AP3M1: variants seen among roughly 807,000 people sequenced by gnomAD.
AP3M1 encodes AP-3 complex subunit mu-1.
In AP3M1, 29 loss-of-function variants were observed where a neutral mutation model predicts 42.6. The observed-to-expected ratio is 0.68, with a 90% CI of 0.51 to 0.93. The LOEUF is 0.93. Ranked by LOEUF, AP3M1 falls within the 40% of genes least tolerant of loss-of-function variation. The pLI, the probability that AP3M1 is intolerant of heterozygous loss-of-function variation, is 0.00. For missense variants in AP3M1, 416 were observed against 510.2 expected (o/e 0.82, Z 1.78); for synonymous variants, 178 against 175.3 (o/e 1.02, Z -0.12).
At chr10:74,145,053 TA>T (rs1841288601) in intron 1 of AP3M1, among the ~76,000 whole-genome samples, 1 of 152,234 alleles carries the variant, frequency 6.6e-6, no homozygotes, top group Admixed American at 6.5e-5. Context: ...GGAAGTTTAA[TA>T]AATTATTTAG....
chr10:74,129,346 A>G lies in AP3M1; in HGVS notation c.670-105T>C, dbSNP rs1157912109. The G allele has an allele frequency of 2.6e-6, 3 of 1,170,454 alleles. No homozygotes were observed. In the East Asian group the frequency reaches 7.4e-5, roughly 29 times the overall value. 72.5% of individuals were successfully genotyped at this position (1,170,454 alleles called of 1,614,324 possible). A position where few individuals can be genotyped will look rare whatever the true frequency, so the allele number is the denominator to read the frequency against. The stretch of plus-strand genomic sequence containing the variant: ...TCCCTGAAGATAAAGCAGTCATGGA[A>G]GAGTTTATGACCACATCTACACAAC... On this transcript the variant is annotated intron_variant, in intron 5 of 8. Transcript: ENST00000355264.
At chr10:74,130,873 G>T (rs1292184920) in intron 4 of AP3M1, among the ~76,000 whole-genome samples, 1 of 152,172 alleles carries the variant, frequency 6.6e-6, no homozygotes, top group Non-Finnish European at 1.5e-5. Context: ...CACTTAGGGA[G>T]GCTGACGTGG....
At chr10:74,128,627 G>A (rs1840688083) in intron 6 of AP3M1, among the ~76,000 whole-genome samples, 1 of 152,092 alleles carries the variant, frequency 6.6e-6, no homozygotes, top group South Asian at 2.1e-4. Context: ...CGAACTACAG[G>A]TAGGTCTGTC....
chr10:74,145,749 C>A (rs1299082315), intron 1 of AP3M1, among the ~76,000 whole-genome samples: 1 of 152,206 alleles, frequency 6.6e-6, no homozygotes, highest in Non-Finnish European at 1.5e-5. Context: ...GCTTTGACTG[C>A]AGCTTAAATA....
chr10:74,142,763 T>C (rs1186964507), intron 1 of AP3M1, among the ~76,000 whole-genome samples: 1 of 152,234 alleles, frequency 6.6e-6, no homozygotes, highest in African/African-American at 2.4e-5. Context: ...TAAGTGCCAT[T>C]AGAATACTTA....
At chr10:74,125,170 G>C (rs548849448) in intron 7 of AP3M1, among the ~76,000 whole-genome samples, 1 of 152,228 alleles carries the variant, frequency 6.6e-6, no homozygotes, top group Non-Finnish European at 1.5e-5. Context: ...GTAGAGATGG[G>C]GTTTCTCCAT....
In AP3M1 at chr10:74,129,221, A is replaced by G. The variant is rs73282407; in HGVS notation, c.690T>C (p.Asp230=). Residue 230 remains aspartate (D), a synonymous_variant, in exon 6 of 9, where the codon GAT becomes GAC. Transcript: ENST00000355264. ...ACCGGATGCAGGGGTGAAAGCTGAC[A>G]TCATCCAGAAGCCTAGGGTTCTGCC... The part of the protein sequence containing the change: ...LSFMNPRLLD[D]VSFHPCIRFK... 11,948 of 1,614,068 alleles carry G rather than the reference A, an allele frequency of 7.4e-3. 767 individuals carry two copies. In the African/African-American group the frequency reaches 0.13, roughly 18 times the overall value.
chr10:74,130,250 TAGAA>T (rs1840743225), intron 4 of AP3M1, among the ~76,000 whole-genome samples: 1 of 151,878 alleles, frequency 6.6e-6, no homozygotes, highest in Non-Finnish European at 1.5e-5. Flanking sequence ...TCACTACATC[TAGAA>T]CAATAGAGAT....
Position 74,122,906 on chromosome 10 carries a change from T to C in AP3M1, c.*904A>G, listed in dbSNP as rs1317369810. The C allele has an allele frequency of 6.6e-6, 1 of 152,328 alleles. No homozygotes were observed. Among genetic ancestry groups the C allele is most frequent in the African/African-American group, 2.4e-5 (1 of 41,464 alleles). The allele number at this position is 152,328 out of a possible 1,614,324, so 9.4% of individuals were successfully genotyped here. A position where few individuals can be genotyped will look rare whatever the true frequency, so the allele number is the denominator to read the frequency against. On this transcript the variant is annotated 3_prime_UTR_variant, in exon 9 of 9. Transcript: ENST00000355264. ...TAGGTTAACCATGGCTTAACTGGTG[T>C]TGGGTAAGCTTTATATTATAAAACA...
intron 4 of AP3M1, among the ~76,000 whole-genome samples, chr10:74,132,022 GA>G (rs748878516): frequency 6.6e-6 from 1 of 152,144 alleles, no homozygotes; most frequent in Non-Finnish European, 1.5e-5. Flanking sequence ...GGAAGGACTA[GA>G]TTTTTTTTCT....
At position 74,123,688 on chromosome 10, in the gene AP3M1, G is replaced by T; in HGVS notation, c.*122C>A. The T allele has an allele frequency of 1.3e-6, 1 of 761,498 alleles. No individual in the cohort carries two copies. Among genetic ancestry groups the T allele is most frequent in the Non-Finnish European group, 2.3e-6 (1 of 438,050 alleles). The allele number at this position is 761,498 out of a possible 1,614,324, so 47.2% of individuals were successfully genotyped here. A position where few individuals can be genotyped will look rare whatever the true frequency, so the allele number is the denominator to read the frequency against. On this transcript the variant is annotated 3_prime_UTR_variant, in exon 9 of 9. Coordinates refer to ENST00000355264, the MANE Select transcript of AP3M1 (RefSeq NM_012095.6). The stretch of plus-strand genomic sequence containing the variant: ...TGATAACTAAGTAACTTTGTTAGCG[G>T]TGTGTAGCTAGACACAAATGCTTTA...
intron 1 of AP3M1, among the ~76,000 whole-genome samples, chr10:74,140,431 C>T (rs974824901): frequency 6.6e-6 from 1 of 152,202 alleles, no homozygotes; most frequent in African/African-American, 2.4e-5. Context: ...TTTGGAAAAG[C>T]TTTTCATTTT....
chr10:74,126,429 CT>C, intron 6 of AP3M1, 74 bp from the exon 7 acceptor site: 1 of 1,188,358 alleles, frequency 8.4e-7, no homozygotes, highest in Non-Finnish European at 1.2e-6. Flanking sequence ...CAGAGGTATC[CT>C]GAAAACCTCT....
chr10:74,128,928 T>G, intron 6 of AP3M1, 180 bp downstream of exon 6: 2 of 637,500 alleles, frequency 3.1e-6, no homozygotes, highest in Non-Finnish European at 5.3e-6. Flanking sequence ...CACTCATACA[T>G]TCAAAGTATA....
chr10:74,125,245 C>T (rs1840581121), intron 7 of AP3M1, among the ~76,000 whole-genome samples: 1 of 152,254 alleles, frequency 6.6e-6, no homozygotes, highest in Non-Finnish European at 1.5e-5. Flanking sequence ...TCCCAAAGTG[C>T]TGGGATTACA....
At chr10:74,132,274 G>A (rs767177010) in intron 4 of AP3M1, among the ~76,000 whole-genome samples, 100 of 152,086 alleles carry the variant, frequency 6.6e-4, no homozygotes, top group Non-Finnish European at 1.4e-3. Flanking sequence ...CTGACCTCAA[G>A]TGATCTGCCT....
Position 74,123,735 on chromosome 10 carries a change from C to A in AP3M1, c.*75G>T. 2 of 1,108,618 alleles carry A rather than the reference C, an allele frequency of 1.8e-6. No homozygotes were observed. The highest frequency in any genetic ancestry group is 2.8e-6 in the Non-Finnish European group (2 of 722,608). 68.7% of individuals were successfully genotyped at this position (1,108,618 alleles called of 1,614,324 possible). A position where few individuals can be genotyped will look rare whatever the true frequency, so the allele number is the denominator to read the frequency against. On this transcript the variant is annotated 3_prime_UTR_variant, in exon 9 of 9. Coordinates refer to ENST00000355264, the MANE Select transcript of AP3M1 (RefSeq NM_012095.6). ...TTTAACTAGAATATGTATTCCCACT[C>A]ACTTGGTACCTAATAGTGATACATC...
At chr10:74,128,686 G>T (rs1293078171) in intron 6 of AP3M1, among the ~76,000 whole-genome samples, 1 of 151,960 alleles carries the variant, frequency 6.6e-6, no homozygotes, top group Admixed American at 6.5e-5. Context: ...TATGGCAATG[G>T]TTCATGGTTT....
chr10:74,144,428 C>T (rs948143946), intron 1 of AP3M1, among the ~76,000 whole-genome samples: 2 of 152,048 alleles, frequency 1.3e-5, no homozygotes, highest in African/African-American at 2.4e-5. Flanking sequence ...CCACACACAG[C>T]TGAGTTTCAA....
Sources: allele counts gnomAD v4.1 joint callset (sites outside exome capture counted in the v4.1 genomes callset), GRCh38; gene constraint gnomAD v4.1.1; transcripts MANE v1.5; gene names NCBI Gene and HGNC (gene_info 2026-07-23, HGNC 2026-07-21).